Variants in EIPR1 observed in about 807,000 individuals in gnomAD.
The protein encoded by EIPR1 is EARP and GARP complex-interacting protein 1.
Under a neutral mutation model 48.1 loss-of-function variants are expected in EIPR1, and 25 were observed. The ratio of observed to expected loss-of-function variants is 0.52; its 90% confidence interval spans 0.38 to 0.73. The LOEUF (loss-of-function observed/expected upper bound fraction) is 0.73. Among genes scored for constraint, EIPR1 ranks in the 30% least tolerant of loss-of-function variants. The pLI, the probability that EIPR1 is intolerant of heterozygous loss-of-function variation, is 0.00. For missense variants in EIPR1, 415 were observed against 506.2 expected, an observed-to-expected ratio of 0.82 and a Z score of 1.73; for synonymous variants, 204 against 201.9, an observed-to-expected ratio of 1.01 and a Z score of -0.09.
intron 3 of EIPR1, among the ~76,000 whole-genome samples, chr2:3,296,216 G>GAC (rs1668586649): frequency 6.1e-5 from 1 of 16,342 alleles, no homozygotes. Flanking sequence ...TCTCTACACA[G>GAC]ACACCCTCCA....
intron 3 of EIPR1, among the ~76,000 whole-genome samples, chr2:3,327,103 G>A (rs965213464): frequency 2.6e-5 from 4 of 152,222 alleles, no homozygotes; most frequent in South Asian, 2.1e-4. Flanking sequence ...CACAGGGGCC[G>A]GGAGATGGGG....
At chr2:3,361,905 C>A (rs1302157969) in intron 1 of EIPR1, among the ~76,000 whole-genome samples, 1 of 152,258 alleles carries the variant, frequency 6.6e-6, no homozygotes, top group Admixed American at 6.5e-5. Context: ...AAGGCCTTCC[C>A]AATCGCCTCC....
intron 5 of EIPR1, among the ~76,000 whole-genome samples, chr2:3,204,310 C>T (rs1665148237): frequency 6.6e-6 from 1 of 152,194 alleles, no homozygotes; most frequent in African/African-American, 2.4e-5. Flanking sequence ...CTCCCAGGCC[C>T]TGAAAACTTC....
At chr2:3,359,927 C>T (rs1341839780) in intron 1 of EIPR1, among the ~76,000 whole-genome samples, 8 of 152,182 alleles carry the variant, frequency 5.3e-5, no homozygotes, top group Non-Finnish European at 1.2e-4. Flanking sequence ...CATGTGACTT[C>T]GCCTCTGCCT....
intron 3 of EIPR1, among the ~76,000 whole-genome samples, chr2:3,268,111 C>A (rs915395403): frequency 1.3e-4 from 20 of 152,196 alleles, no homozygotes; most frequent in Non-Finnish European, 2.6e-4. Flanking sequence ...GGCCCTTGGT[C>A]CCTCTGTGAC....
At chr2:3,337,419 G>A (rs1670099765) in intron 3 of EIPR1, among the ~76,000 whole-genome samples, 1 of 152,124 alleles carries the variant, frequency 6.6e-6, no homozygotes, top group Non-Finnish European at 1.5e-5. Flanking sequence ...AGAGATCCTA[G>A]GAGATATTTC....
At chr2:3,362,038 C>T (rs1323790998) in intron 1 of EIPR1, among the ~76,000 whole-genome samples, 1 of 152,246 alleles carries the variant, frequency 6.6e-6, no homozygotes, top group Non-Finnish European at 1.5e-5. Context: ...TTTCCAAATG[C>T]GAATCTGGTG....
chr2:3,222,705 G>C (rs2103151293), intron 4 of EIPR1, among the ~76,000 whole-genome samples: 1 of 152,290 alleles, frequency 6.6e-6, no homozygotes, highest in African/African-American at 2.4e-5. Context: ...AGGGAGGCCT[G>C]GGCGTGGAGG....
intron 1 of EIPR1, among the ~76,000 whole-genome samples, chr2:3,370,363 C>G (rs1448225946): frequency 6.6e-6 from 1 of 152,188 alleles, no homozygotes; most frequent in Non-Finnish European, 1.5e-5. Flanking sequence ...AGTCCCTCAC[C>G]AGCAACGGAA....
chr2:3,341,095 C>CAA (rs55667121), intron 2 of EIPR1, among the ~76,000 whole-genome samples: 224 of 21,804 alleles, frequency 0.01, 2 homozygotes, highest in Middle Eastern at 0.056. Context: ...GATCCTGTCT[C>CAA]AAAAAAAAAA....
chr2:3,317,567 G>A (rs1419743289), intron 3 of EIPR1, among the ~76,000 whole-genome samples: 1 of 152,246 alleles, frequency 6.6e-6, no homozygotes, highest in Non-Finnish European at 1.5e-5. Context: ...GTCGAGTCTA[G>A]ATAGAGGCCC....
chr2:3,362,855 C>T (rs1435802646), intron 1 of EIPR1, among the ~76,000 whole-genome samples: 1 of 152,176 alleles, frequency 6.6e-6, no homozygotes, highest in Non-Finnish European at 1.5e-5. Context: ...CATGCATGCC[C>T]TGGAAGCAAT....
At chr2:3,355,395 T>C (rs557697677) in intron 1 of EIPR1, among the ~76,000 whole-genome samples, 26 of 152,350 alleles carry the variant, frequency 1.7e-4, no homozygotes, top group Admixed American at 1.4e-3. Flanking sequence ...CAATCCTGAT[T>C]GGAGCAGGCC....
chr2:3,263,047 TGAA>T (rs1558259382), intron 3 of EIPR1, among the ~76,000 whole-genome samples: 1 of 152,206 alleles, frequency 6.6e-6, no homozygotes, highest in East Asian at 1.9e-4. Context: ...TACTTTTAGC[TGAA>T]GAAGGAGAAG....
intron 1 of EIPR1, among the ~76,000 whole-genome samples, chr2:3,373,491 C>G (rs1469881624): frequency 6.6e-6 from 1 of 151,540 alleles, no homozygotes; most frequent in Non-Finnish European, 1.5e-5. Flanking sequence ...ATTGTCTCAG[C>G]CCAAAATCTC....
rs1375076190 is a variant in EIPR1 at position 3,339,154 on chromosome 2, T to C, written c.127-1005A>G. Among the ~76,000 whole-genome samples the C allele has an allele frequency of 3.9e-5, 6 of 152,362 alleles. No homozygotes were observed. In the East Asian group the frequency reaches 1.2e-3, roughly 29 times the overall value. On this transcript the variant is annotated intron_variant, in intron 2 of 8. Coordinates refer to ENST00000382125, the MANE Select transcript of EIPR1 (RefSeq NM_003310.5). ...GAATACACAAAAGAAACTGTACGAA[T>C]GCTACATCCTTTTGTTTTGTTTTGT...
intron 3 of EIPR1, among the ~76,000 whole-genome samples, chr2:3,336,794 G>GGAAAA (rs1191291095): frequency 2.0e-5 from 3 of 147,020 alleles, no homozygotes; most frequent in African/African-American, 5.0e-5. Flanking sequence ...GAAAAGGAAA[G>GGAAAA]GAAAAGAAAA....
chr2:3,365,959 G>C (rs1487148961), intron 1 of EIPR1, among the ~76,000 whole-genome samples: 28 of 42,684 alleles, frequency 6.6e-4, no homozygotes, highest in African/African-American at 1.4e-3. Flanking sequence ...GTCCGGGAGG[G>C]AGGTGGGGGG....
At chr2:3,209,854 C>T (rs1462859017) in intron 5 of EIPR1, among the ~76,000 whole-genome samples, 1 of 152,098 alleles carries the variant, frequency 6.6e-6, no homozygotes, top group Non-Finnish European at 1.5e-5. Context: ...TCGGGCTTGC[C>T]AGGGGCTTGG....
Sources: gnomAD v4.1 joint callset for allele counts (sites outside exome capture counted in the v4.1 genomes callset) on GRCh38, gnomAD v4.1.1 for gene constraint, MANE v1.5 for transcripts, NCBI Gene and HGNC (gene_info 2026-07-23, HGNC 2026-07-21) for gene names.